RABGAP1L: variants seen among roughly 807,000 people sequenced by gnomAD.
RABGAP1L encodes the protein RAB GTPase activating protein 1 like.
A neutral mutation model predicts 137.7 loss-of-function variants in RABGAP1L; 63 were observed. The ratio of observed to expected loss-of-function variants is 0.46; its 90% CI spans 0.37 to 0.56. RABGAP1L has a LOEUF of 0.56. Ranked by LOEUF, RABGAP1L falls within the 20% of genes least tolerant of loss-of-function variation. The pLI, the probability that RABGAP1L is intolerant of heterozygous loss-of-function variation, is 0.00. For synonymous variants in RABGAP1L, 431 were observed against 433.7 expected (o/e 0.99, Z 0.08); for missense variants, 1,095 against 1,244.0 (o/e 0.88, Z 1.80).
At chr1:174,560,725 C>G (rs577944767) in intron 13 of RABGAP1L, among the ~76,000 whole-genome samples, 3 of 152,228 alleles carry the variant, frequency 2.0e-5, no homozygotes, top group Admixed American at 6.5e-5. Context: ...GCACCCTCCC[C>G]CTTCTAGTAG....
chr1:174,336,878 TGTGTGTGA>T (rs1681521506), intron 11 of RABGAP1L, among the ~76,000 whole-genome samples: 2 of 143,304 alleles, frequency 1.4e-5, no homozygotes, highest in Non-Finnish European at 3.0e-5. Context: ...TGTGTGTGTG[TGTGTGTGA>T]GAGAGAGAGA....
chr1:174,241,549 A>T lies in RABGAP1L; in HGVS notation c.609A>T (p.Ala203=), dbSNP rs759470786. The change falls in exon 5 of 26, where the codon GCA becomes GCT. Residue 203 remains alanine, a synonymous_variant. Transcript: ENST00000681986. ...CAATCTATAAGGTGTTATTCTGTGC[A>T]CGTGGACATGACGGAACAACAGAGA... ...SFPIYKVLFC[A]RGHDGTTESN... is the part of the protein sequence containing the mutation. 1 of 1,613,308 alleles carries T rather than the reference A, an allele frequency of 6.2e-7. No individual in the cohort carries two copies. Among genetic ancestry groups the T allele is most frequent in the Admixed American group, 1.7e-5 (1 of 60,004 alleles).
intron 18 of RABGAP1L, among the ~76,000 whole-genome samples, chr1:174,794,881 A>C (rs1688130378): frequency 6.6e-6 from 1 of 152,192 alleles, no homozygotes. Context: ...TGAAATAACT[A>C]CCTAGCATGT....
At chr1:174,435,346 C>T (rs1480229474) in intron 13 of RABGAP1L, among the ~76,000 whole-genome samples, 1 of 152,166 alleles carries the variant, frequency 6.6e-6, no homozygotes, top group Non-Finnish European at 1.5e-5. Context: ...GTTATGAAGA[C>T]ATTCTTCTTC....
intron 1 of RABGAP1L, 116 bp downstream of exon 1, chr1:174,159,773 G>T (rs1347497780): frequency 6.6e-6 from 1 of 152,496 alleles, no homozygotes; most frequent in African/African-American, 2.4e-5. Context: ...TCGAGATGGG[G>T]CCCCAGCCGA....
Position 174,614,676 on chromosome 1 carries a change from C to A in RABGAP1L, c.1711-22699C>A, listed in dbSNP as rs887874961. Among the ~76,000 whole-genome samples, 4 of 152,182 alleles carry A rather than the reference C, an allele frequency of 2.6e-5. No homozygotes were observed. The East Asian group carries it at 7.7e-4, about 29-fold the overall frequency. ...TGAATAACATCCTGCAGAGTGTTTT[C>A]CAACTTGGTTCCATTCTCCCCGTCA... On this transcript the variant is annotated intron_variant, in intron 13 of 25. Coordinates refer to ENST00000681986, the MANE Select transcript of RABGAP1L (RefSeq NM_001366446.1).
chr1:174,590,335 T>A (rs1669497219), intron 13 of RABGAP1L, among the ~76,000 whole-genome samples: 1 of 140,374 alleles, frequency 7.1e-6, no homozygotes, highest in African/African-American at 2.7e-5. Flanking sequence ...TGTTTTTTTT[T>A]CTTTTTTTTT....
At chr1:174,552,380 G>A (rs1666604921) in intron 13 of RABGAP1L, among the ~76,000 whole-genome samples, 2 of 151,944 alleles carry the variant, frequency 1.3e-5, no homozygotes, top group African/African-American at 4.8e-5. Flanking sequence ...GTGTCCTTGT[G>A]CTCTCATCAT....
At chr1:174,431,365 C>T (rs777369188) in intron 13 of RABGAP1L, among the ~76,000 whole-genome samples, 1 of 152,018 alleles carries the variant, frequency 6.6e-6, no homozygotes, top group Non-Finnish European at 1.5e-5. Flanking sequence ...AGGAAAAGAT[C>T]GTGATTAATG....
intron 19 of RABGAP1L, among the ~76,000 whole-genome samples, chr1:174,908,598 A>G (rs1659518291): frequency 6.9e-6 from 1 of 145,884 alleles, no homozygotes; most frequent in African/African-American, 2.5e-5. Flanking sequence ...GCTGGAGTAC[A>G]ATGGTGCGAT....
At chr1:174,988,904 C>G in intron 25 of RABGAP1L, 66 bp downstream of exon 25, 1 of 1,382,044 alleles carries the variant, frequency 7.2e-7, no homozygotes. Context: ...TACTCTAGTA[C>G]TTCAGAATAC....
At chr1:174,535,020 T>A (rs1227336471) in intron 13 of RABGAP1L, among the ~76,000 whole-genome samples, 1 of 152,058 alleles carries the variant, frequency 6.6e-6, no homozygotes. Flanking sequence ...AAGATGAAAG[T>A]GGAATGGTTT....
chr1:174,412,678 C>T (rs528320308), intron 13 of RABGAP1L, among the ~76,000 whole-genome samples: 1 of 152,042 alleles, frequency 6.6e-6, no homozygotes, highest in Non-Finnish European at 1.5e-5. Flanking sequence ...TCCCTTAGCA[C>T]TTGCTCGTCT....
intron 20 of RABGAP1L, chr1:174,964,704 G>A (rs1262954161): frequency 1.1e-6 from 1 of 939,108 alleles, no homozygotes; most frequent in East Asian, 3.6e-5. Context: ...AAACAGCAAT[G>A]TGGAGAGGGA....
intron 13 of RABGAP1L, among the ~76,000 whole-genome samples, chr1:174,596,615 A>G: frequency 6.6e-6 from 1 of 152,172 alleles, no homozygotes. Context: ...TAATTTCTTG[A>G]TTAAGTCTTT....
chr1:174,400,076 G>A (rs554903018), intron 13 of RABGAP1L, among the ~76,000 whole-genome samples: 4 of 152,240 alleles, frequency 2.6e-5, no homozygotes, highest in East Asian at 1.9e-4. Flanking sequence ...TTCTTTCAGG[G>A]GTGGCAAATA....
At chr1:174,200,588 A>G (rs999423321) in intron 1 of RABGAP1L, among the ~76,000 whole-genome samples, 3 of 152,224 alleles carry the variant, frequency 2.0e-5, no homozygotes, top group Non-Finnish European at 4.4e-5. Flanking sequence ...CACAAGTTAT[A>G]TTTTGAAGGT....
At chr1:174,306,325 T>C (rs546225252) in intron 11 of RABGAP1L, among the ~76,000 whole-genome samples, 45 of 152,286 alleles carry the variant, frequency 3.0e-4, no homozygotes, top group Non-Finnish European at 5.3e-4. Flanking sequence ...TTCTAGATCC[T>C]TGAGGAATCA....
chr1:174,882,396 T>C (rs966055085), intron 19 of RABGAP1L, among the ~76,000 whole-genome samples: 7 of 152,220 alleles, frequency 4.6e-5, no homozygotes, highest in Non-Finnish European at 8.8e-5. Flanking sequence ...GTGTCTTTCT[T>C]ATGTTTTTGG....
Sources: allele counts gnomAD v4.1 joint callset (sites outside exome capture counted in the v4.1 genomes callset), GRCh38; gene constraint gnomAD v4.1.1; transcripts MANE v1.5; gene names NCBI Gene and HGNC (gene_info 2026-07-23, HGNC 2026-07-21).